SLC44A3: variants seen among roughly 807,000 people sequenced by gnomAD.
The protein encoded by SLC44A3 is solute carrier family 44 member 3, also known as choline transporter-like protein 3.
A neutral mutation model predicts 75.4 loss-of-function variants in SLC44A3; 74 were observed. That is an observed-to-expected ratio of 0.98 (90% CI 0.81 to 1.19). The LOEUF (loss-of-function observed/expected upper bound fraction) is 1.19, where lower values mean the gene tolerates loss of function less well. Among genes scored for constraint, SLC44A3 ranks in the 50% most tolerant of loss-of-function variants. The pLI, the probability that SLC44A3 is intolerant of heterozygous loss-of-function variation, is 0.00. For missense variants in SLC44A3, 700 were observed against 778.6 expected (o/e 0.90, Z 1.20); for synonymous variants, 310 against 296.9 (o/e 1.04, Z -0.45).
intron 5 of SLC44A3, chr1:94,837,013 C>T (rs1662919404): frequency 6.6e-6 from 1 of 151,608 alleles, no homozygotes; most frequent in African/African-American, 2.4e-5. Flanking sequence ...AAGAAGAGAT[C>T]CTGCTATTTG....
At chr1:94,863,442 GTGT>G (rs977799791) in intron 10 of SLC44A3, among the ~76,000 whole-genome samples, 1 of 152,082 alleles carries the variant, frequency 6.6e-6, no homozygotes, top group African/African-American at 2.4e-5. Flanking sequence ...TGGAAAGCAG[GTGT>G]TGTCCTCTTC....
chr1:94,827,602 T>C lies in SLC44A3; in HGVS notation c.374T>C (p.Leu125Pro), dbSNP rs1470556610. 1.9e-6 allele frequency: 3 copies of C among 1,614,088 alleles called. No homozygotes were observed. The African/African-American group carries it at 4.0e-5, about 22-fold the overall frequency. ...GTATCCAACTGCCCTGAAGAGCAGC[T>C]TGACTCCCTGGAAGAGGTCCAGTTC... ...LCVSNCPEEQ[L>P]DSLEEVQFFA... Residue 125 changes from leucine (L) to proline (P), a missense_variant, in exon 4 of 15, where the codon CTT becomes CCT. Coordinates refer to ENST00000271227, the MANE Select transcript of SLC44A3 (RefSeq NM_001114106.3).
intron 12 of SLC44A3, among the ~76,000 whole-genome samples, chr1:94,874,312 G>A (rs2101551563): frequency 6.6e-6 from 1 of 152,220 alleles, no homozygotes; most frequent in East Asian, 1.9e-4. Context: ...TTTCCTGGGA[G>A]CAGCCTCTCT....
chr1:94,870,557 A>G (rs1667645176), intron 12 of SLC44A3, among the ~76,000 whole-genome samples: 1 of 152,242 alleles, frequency 6.6e-6, no homozygotes. Context: ...TAGAGCACCC[A>G]CTGGAGATCA....
rs368570937 is a variant in SLC44A3 at position 94,857,510 on chromosome 1, G to A, written c.1238+10G>A. 3.1e-6 allele frequency: 5 copies of A among 1,602,448 alleles called. No homozygotes were observed. The Admixed American group carries it at 8.7e-5, about 28-fold the overall frequency. On this transcript the variant is annotated intron_variant, in intron 10 of 14. Coordinates refer to ENST00000271227, the MANE Select transcript of SLC44A3 (RefSeq NM_001114106.3). ...CTTGTTATTTCAACAGGTAGGTCCA[G>A]TGTTTTTTTTCTATTGGTTTGTCTA...
At chr1:94,860,999 T>A (rs1177988187) in intron 10 of SLC44A3, among the ~76,000 whole-genome samples, 1 of 152,082 alleles carries the variant, frequency 6.6e-6, no homozygotes, top group Non-Finnish European at 1.5e-5. Flanking sequence ...TTCGAACACG[T>A]TAAGAAAAGC....
chr1:94,822,490 T>C (rs559308418), intron 2 of SLC44A3, among the ~76,000 whole-genome samples: 4 of 152,314 alleles, frequency 2.6e-5, no homozygotes, highest in Non-Finnish European at 5.9e-5. Context: ...TGTTTTGTTT[T>C]TGGACTTTTT....
At chr1:94,886,372 C>G (rs927700047) in intron 12 of SLC44A3, among the ~76,000 whole-genome samples, 1 of 152,152 alleles carries the variant, frequency 6.6e-6, no homozygotes, top group African/African-American at 2.4e-5. Flanking sequence ...TGCTCTTGCT[C>G]CACACTCTGC....
intron 12 of SLC44A3, among the ~76,000 whole-genome samples, chr1:94,875,906 G>C (rs1275716166): frequency 6.6e-6 from 1 of 152,228 alleles, no homozygotes; most frequent in Admixed American, 6.5e-5. Flanking sequence ...TGCTGAGGGA[G>C]ACTGCCCAGG....
intron 10 of SLC44A3, 63 bp from the exon 11 acceptor site, chr1:94,864,680 C>T: frequency 1.3e-6 from 2 of 1,541,194 alleles, no homozygotes; most frequent in East Asian, 2.3e-5. Flanking sequence ...TGATTGGAAC[C>T]AGAGAGCTTT....
intron 9 of SLC44A3, among the ~76,000 whole-genome samples, chr1:94,846,109 T>C (rs1664368131): frequency 1.4e-5 from 2 of 144,236 alleles, no homozygotes; most frequent in African/African-American, 5.2e-5. Context: ...ATTGCGCCAC[T>C]GCACTCCAGC....
chr1:94,861,024 A>G (rs1666506969), intron 10 of SLC44A3, among the ~76,000 whole-genome samples: 1 of 152,238 alleles, frequency 6.6e-6, no homozygotes, highest in East Asian at 1.9e-4. Context: ...CACGTTGGTG[A>G]AGCGTTCGGT....
At chr1:94,846,007 C>T (rs778651756) in intron 9 of SLC44A3, among the ~76,000 whole-genome samples, 7 of 152,076 alleles carry the variant, frequency 4.6e-5, no homozygotes, top group East Asian at 1.9e-4. Flanking sequence ...ATTAGCTGGG[C>T]GTGGTGGCGT....
At chr1:94,875,055 T>C (rs958217259) in intron 12 of SLC44A3, among the ~76,000 whole-genome samples, 5 of 152,182 alleles carry the variant, frequency 3.3e-5, no homozygotes, top group African/African-American at 1.2e-4. Context: ...ACCCACCTTT[T>C]ACCAGGCCCA....
At chr1:94,860,243 A>G (rs1019638326) in intron 10 of SLC44A3, among the ~76,000 whole-genome samples, 17 of 152,252 alleles carry the variant, frequency 1.1e-4, no homozygotes, top group African/African-American at 4.1e-4. Context: ...GCATAGTGAG[A>G]AAACAAGACT....
intron 12 of SLC44A3, among the ~76,000 whole-genome samples, chr1:94,884,491 A>G (rs960475250): frequency 2.6e-4 from 39 of 152,324 alleles, no homozygotes; most frequent in African/African-American, 7.9e-4. Flanking sequence ...TGAGGAAAGT[A>G]TGAATGCCAG....
chr1:94,832,879 A>C (rs1662300586), intron 5 of SLC44A3, among the ~76,000 whole-genome samples: 1 of 151,988 alleles, frequency 6.6e-6, no homozygotes, highest in Admixed American at 6.6e-5. Context: ...AGATGGGAGG[A>C]TCTCTTGAGC....
intron 14 of SLC44A3, 89 bp downstream of exon 14, chr1:94,892,606 C>T: frequency 1.6e-6 from 2 of 1,258,170 alleles, no homozygotes; most frequent in Non-Finnish European, 2.3e-6. Context: ...AGGCTCATAC[C>T]CAGCCTCTCT....
intron 10 of SLC44A3, among the ~76,000 whole-genome samples, chr1:94,862,673 G>A (rs962955941): frequency 5.3e-5 from 8 of 152,104 alleles, no homozygotes; most frequent in African/African-American, 1.9e-4. Context: ...AACACTGCCC[G>A]TGTCTTCCTT....
Sources: gnomAD v4.1 joint callset for allele counts (sites outside exome capture counted in the v4.1 genomes callset) on GRCh38, gnomAD v4.1.1 for gene constraint, MANE v1.5 for transcripts, NCBI Gene and HGNC (gene_info 2026-07-23, HGNC 2026-07-21) for gene names.